Variants in TMEM131 observed in about 807,000 individuals in gnomAD.
TMEM131 encodes the protein 2610524E03Rik.
In TMEM131, 66 loss-of-function variants were observed where a neutral mutation model predicts 211.6. The observed-to-expected ratio is 0.31, with a 90% CI of 0.26 to 0.38. TMEM131 has a LOEUF of 0.38. Among genes scored for constraint, TMEM131 ranks in the 10% least tolerant of loss-of-function variants. The pLI is 1.00. For missense variants in TMEM131, 2,036 were observed against 2,299.3 expected (o/e 0.89, Z 2.34); for synonymous variants, 844 against 841.3 (o/e 1.00, Z -0.06).
intron 10 of TMEM131, 48 bp downstream of exon 10, chr2:97,834,573 T>TAA (rs34454073): frequency 3.2e-3 from 3,981 of 1,256,800 alleles, no homozygotes; most frequent in African/African-American, 3.7e-3. Flanking sequence ...ATACAGGGGT[T>TAA]AAAAAAAAAA....
chr2:97,941,670 G>C (rs1442085732), intron 1 of TMEM131, among the ~76,000 whole-genome samples: 1 of 152,212 alleles, frequency 6.6e-6, no homozygotes, highest in East Asian at 1.9e-4. Context: ...CGAAGGATAT[G>C]AACAGGCACT....
intron 11 of TMEM131, among the ~76,000 whole-genome samples, chr2:97,820,900 G>A (rs1464984239): frequency 6.7e-6 from 1 of 149,536 alleles, no homozygotes; most frequent in African/African-American, 2.4e-5. Flanking sequence ...GTTGTTTTCT[G>A]AGATCCCATC....
intron 10 of TMEM131, among the ~76,000 whole-genome samples, chr2:97,834,366 A>G (rs555153351): frequency 2.0e-4 from 30 of 152,314 alleles, no homozygotes; most frequent in African/African-American, 7.2e-4. Flanking sequence ...TTCTGCCTCA[A>G]TCTTCCATTT....
intron 1 of TMEM131, among the ~76,000 whole-genome samples, chr2:97,980,364 T>A (rs891980272): frequency 6.6e-6 from 1 of 152,130 alleles, no homozygotes; most frequent in Non-Finnish European, 1.5e-5. Context: ...TGCAATAAAA[T>A]GAGAAATGCC....
intron 1 of TMEM131, among the ~76,000 whole-genome samples, chr2:97,989,109 A>G (rs1429331303): frequency 1.3e-5 from 2 of 152,234 alleles, no homozygotes; most frequent in Non-Finnish European, 2.9e-5. Context: ...TGTCTTTTTT[A>G]TATTTTTATG....
At chr2:97,869,577 T>C (rs1218686814) in intron 4 of TMEM131, among the ~76,000 whole-genome samples, 4 of 152,202 alleles carry the variant, frequency 2.6e-5, no homozygotes, top group East Asian at 3.8e-4. Flanking sequence ...GCTATTTTAG[T>C]CGTTGCGTGC....
chr2:97,859,276 A>G (rs756136178), intron 5 of TMEM131, 28 bp downstream of exon 5: 3 of 1,558,030 alleles, frequency 1.9e-6, no homozygotes, highest in Non-Finnish European at 2.6e-6. Context: ...CAAACTCAGG[A>G]AAGATCATGT....
At chr2:97,956,968 G>A (rs1406642480) in intron 1 of TMEM131, among the ~76,000 whole-genome samples, 1 of 151,980 alleles carries the variant, frequency 6.6e-6, no homozygotes, top group Non-Finnish European at 1.5e-5. Flanking sequence ...GTGGTGGCAT[G>A]TGCCTGTAGT....
At chr2:97,883,721 G>A (rs925913829) in intron 4 of TMEM131, among the ~76,000 whole-genome samples, 2 of 152,120 alleles carry the variant, frequency 1.3e-5, no homozygotes, top group Admixed American at 6.5e-5. Context: ...TTAAAAATAA[G>A]TGAATTTAAC....
rs1682788343 is a variant in TMEM131, at chr2:97,833,222, C to T, written c.1074+143G>A. On this transcript the variant is annotated intron_variant, in intron 11 of 40. Coordinates refer to ENST00000186436, the MANE Select transcript of TMEM131 (RefSeq NM_015348.2). ...GGTGGCTGGGGCAGAACAGGTTTCT[C>T]ACATCACACTTAGAACCAAAGTGTC... The T allele has an allele frequency of 5.9e-6, 3 of 509,732 alleles. No individual in the cohort carries two copies. In the South Asian group the frequency reaches 7.6e-5, roughly 13 times the overall value. 31.6% of individuals were successfully genotyped at this position (509,732 alleles called of 1,614,324 possible).
intron 4 of TMEM131, among the ~76,000 whole-genome samples, chr2:97,886,431 T>TTA (rs1302887794): frequency 2.0e-5 from 3 of 152,164 alleles, no homozygotes; most frequent in African/African-American, 7.2e-5. Context: ...AGACTTATTC[T>TTA]TATAAATGGG....
intron 11 of TMEM131, among the ~76,000 whole-genome samples, chr2:97,824,496 G>C (rs1682281994): frequency 6.6e-6 from 1 of 152,166 alleles, no homozygotes; most frequent in Non-Finnish European, 1.5e-5. Context: ...GTTGTAATTG[G>C]GAGACTTTGC....
At chr2:97,880,212 G>A (rs543079808) in intron 4 of TMEM131, among the ~76,000 whole-genome samples, 2 of 152,242 alleles carry the variant, frequency 1.3e-5, no homozygotes, top group South Asian at 4.1e-4. Context: ...GTGCTTTCAG[G>A]AAATGACATG....
chr2:97,762,766 G>A (rs1678924011), intron 35 of TMEM131: 1 of 152,586 alleles, frequency 6.6e-6, no homozygotes, highest in African/African-American at 2.4e-5. Flanking sequence ...CAGCACTTTG[G>A]GAGGCTGAGG....
intron 5 of TMEM131, among the ~76,000 whole-genome samples, chr2:97,850,068 C>T (rs1261354341): frequency 6.6e-6 from 1 of 151,654 alleles, no homozygotes; most frequent in African/African-American, 2.4e-5. Flanking sequence ...ACAGAACTGA[C>T]ACTGAGAGAC....
Position 97,766,500 on chromosome 2 carries a change from T to C in TMEM131, c.4551A>G (p.Ser1517=). 6.2e-7 allele frequency: 1 copy of C among 1,614,010 alleles called. No homozygotes were observed. The highest frequency in any genetic ancestry group is 1.1e-5 in the South Asian group (1 of 91,084). Residue 1517 remains serine (S), a synonymous_variant, in exon 34 of 41, where the codon TCA becomes TCG. Coordinates refer to ENST00000186436, the MANE Select transcript of TMEM131 (RefSeq NM_015348.2). ...TACCTTTTGTTTTCTGGGCATTTCG[T>C]GATTTGGATCCACTTGTCATTGCAG... is the stretch of plus-strand genomic sequence containing the variant. ...LPTAMTSGSK[S]RNAQKTKGTS...
At position 97,792,587 on chromosome 2, in the gene TMEM131, C is replaced by T; in HGVS notation, c.3943G>A (p.Glu1315Lys). Residue 1315 changes from glutamate to lysine, a missense_variant, in exon 31 of 41, where the codon GAG (glutamate) becomes AAG (lysine). Physicochemically the swap from Glu to Lys is moderately conservative, Grantham distance 56. Transcript: ENST00000186436. ...PLPPPVPQPQ[E>K]PQPERLSPAP... is the part of the protein sequence containing the mutation. ...GGAGACAGCCTTTCAGGCTGCGGCT[C>T]CTGGGGCTGAGGCACTGGCGGTGGC... The T allele has an allele frequency of 6.2e-7, 1 of 1,613,094 alleles. No individual in the cohort carries two copies. The highest frequency in any genetic ancestry group is 8.5e-7 in the Non-Finnish European group (1 of 1,179,578).
At chr2:97,850,659 A>G (rs1454695062) in intron 5 of TMEM131, among the ~76,000 whole-genome samples, 2 of 152,202 alleles carry the variant, frequency 1.3e-5, no homozygotes, top group Non-Finnish European at 2.9e-5. Flanking sequence ...TAAAAGTTGA[A>G]AGAAAAAAAA....
chr2:97,784,263 A>C (rs866986788), intron 31 of TMEM131, among the ~76,000 whole-genome samples: 1 of 152,252 alleles, frequency 6.6e-6, no homozygotes. Flanking sequence ...AAACAGGAGA[A>C]TATACATTCT....
Sources: gnomAD v4.1 joint callset for allele counts (sites outside exome capture counted in the v4.1 genomes callset) on GRCh38, gnomAD v4.1.1 for gene constraint, MANE v1.5 for transcripts, NCBI Gene and HGNC (gene_info 2026-07-23, HGNC 2026-07-21) for gene names.